The following CDH18 variants were observed in gnomAD, a reference collection of about 807,000 sequenced individuals.
CDH18 encodes the protein cadherin 18, also known as cadherin-18.
CDH18 carries 31 observed loss-of-function variants against 67.9 expected under a neutral mutation model. The observed-to-expected ratio is 0.46, with a 90% confidence interval of 0.34 to 0.62. CDH18 has a LOEUF of 0.62. CDH18 is among the 20% of genes least tolerant of loss of function. The pLI is 0.01. For missense variants in CDH18, 890 were observed against 975.5 expected (o/e 0.91, Z 1.17); for synonymous variants, 362 against 347.2 (o/e 1.04, Z -0.48).
In CDH18 at chr5:20,334,163, C is replaced by T. The variant is rs1257335885; in HGVS notation, c.-579-78658G>A. Among the ~76,000 whole-genome samples the T allele has an allele frequency of 1.4e-4, 16 of 113,462 alleles. No individual in the cohort carries two copies. In the Admixed American group the frequency reaches 1.5e-3, roughly 11 times the overall value. The allele number at this position is 113,462 out of a possible 152,430, so 74.4% of individuals were successfully genotyped here. ...TTTTTTTTTTTTTTTGAGACGGAGT[C>T]TCGCTGTCGCCCAGGCTGGAGTGCA... On this transcript the variant is annotated intron_variant, in intron 1 of 14. Transcript: ENST00000507958.
chr5:19,724,687 C>G (rs984760320), intron 4 of CDH18, among the ~76,000 whole-genome samples: 2 of 151,978 alleles, frequency 1.3e-5, no homozygotes, highest in Non-Finnish European at 2.9e-5. Flanking sequence ...CCATTACATG[C>G]AAATCTACAA....
At chr5:20,106,347 C>T (rs1018860167) in intron 2 of CDH18, among the ~76,000 whole-genome samples, 8 of 152,262 alleles carry the variant, frequency 5.3e-5, no homozygotes, top group Middle Eastern at 3.4e-3. Flanking sequence ...GTTTTCTTAA[C>T]GCTGTTTACA....
rs114405601 is a variant in CDH18 at position 19,589,289 on chromosome 5, C to T, written c.999+1768G>A. On this transcript the variant is annotated intron_variant, in intron 7 of 12. Coordinates refer to ENST00000382275, the MANE Select transcript of CDH18 (RefSeq NM_004934.5). ...TGATGACTAGCTACCTCCTGAACAG[C>T]GTCCCTTGGGAATATTCAATGCCAA... is the stretch of plus-strand genomic sequence containing the variant. Among the ~76,000 whole-genome samples, 1,132 of 152,212 alleles carry T rather than the reference C, an allele frequency of 7.4e-3. 20 individuals carry two copies. The highest frequency in any genetic ancestry group is 0.026 in the African/African-American group (1,086 of 41,560).
At chr5:20,365,215 T>A (rs1360354313) in intron 1 of CDH18, among the ~76,000 whole-genome samples, 5 of 152,172 alleles carry the variant, frequency 3.3e-5, no homozygotes, top group Admixed American at 2.0e-4. Flanking sequence ...CTGTGTGCTG[T>A]GTGTTCCCAT....
At chr5:19,524,771 A>G (rs1200872113) in intron 9 of CDH18, among the ~76,000 whole-genome samples, 1 of 151,966 alleles carries the variant, frequency 6.6e-6, no homozygotes, top group Non-Finnish European at 1.5e-5. Flanking sequence ...TCTGAGATGG[A>G]GTCTCGCTCT....
chr5:20,193,247 A>G (rs1234025275), intron 2 of CDH18, among the ~76,000 whole-genome samples: 5 of 152,126 alleles, frequency 3.3e-5, no homozygotes, highest in Admixed American at 2.6e-4. Flanking sequence ...AAAATGATAA[A>G]GAGGATATCA....
rs550794179 is a variant in CDH18, at chr5:20,420,362, C to A, written c.-580+155100G>T. ...TTAAGGACTTATTCTTTATAGAATACCAACAATGAAATAAAAACAAAGCAA... is the reference window on the plus strand; with the variant it reads ...TTAAGGACTTATTCTTTATAGAATAACAACAATGAAATAAAAACAAAGCAA... On this transcript the variant is annotated intron_variant, in intron 1 of 14. Transcript: ENST00000507958. 5.3e-5 allele frequency among the ~76,000 whole-genome samples: 8 copies of A among 151,092 alleles called. No individual in the cohort carries two copies. The South Asian group carries it at 1.5e-3, about 27-fold the overall frequency.
intron 9 of CDH18, among the ~76,000 whole-genome samples, chr5:19,532,989 GAT>G (rs1748880556): frequency 6.6e-6 from 1 of 152,166 alleles, no homozygotes; most frequent in Admixed American, 6.5e-5. Context: ...TCCAGGAGGA[GAT>G]ATTAAAGTGG....
At chr5:19,605,054 T>C (rs901076020) in intron 6 of CDH18, among the ~76,000 whole-genome samples, 3 of 151,962 alleles carry the variant, frequency 2.0e-5, no homozygotes, top group African/African-American at 7.2e-5. Flanking sequence ...AATATATGCT[T>C]ATTACCATAA....
intron 2 of CDH18, among the ~76,000 whole-genome samples, chr5:19,945,795 C>T (rs563007681): frequency 5.1e-4 from 78 of 151,966 alleles, no homozygotes; most frequent in African/African-American, 1.8e-3. Flanking sequence ...AATTTAGAAC[C>T]AGTCAAAAAA....
intron 1 of CDH18, among the ~76,000 whole-genome samples, chr5:20,382,710 A>G (rs1744010984): frequency 6.6e-6 from 1 of 152,168 alleles, no homozygotes; most frequent in East Asian, 1.9e-4. Flanking sequence ...CCTGAATATT[A>G]CAAAGAGGAA....
At chr5:19,627,999 A>G (rs1461539344) in intron 5 of CDH18, among the ~76,000 whole-genome samples, 2 of 152,126 alleles carry the variant, frequency 1.3e-5, no homozygotes, top group Admixed American at 1.3e-4. Context: ...CAGAGGAGTG[A>G]TGATATGGTT....
chr5:20,235,995 G>C (rs929684700), intron 2 of CDH18, among the ~76,000 whole-genome samples: 3 of 152,068 alleles, frequency 2.0e-5, no homozygotes, highest in African/African-American at 7.2e-5. Flanking sequence ...AACTAACACA[G>C]AAACATGTTC....
intron 12 of CDH18, among the ~76,000 whole-genome samples, chr5:19,480,586 C>T (rs1739260236): frequency 6.6e-6 from 1 of 151,908 alleles, no homozygotes; most frequent in African/African-American, 2.4e-5. Flanking sequence ...ACCGTGTTAG[C>T]CAGGATGGTC....
rs560057743 is a variant in CDH18, at chr5:19,945,966, T to C, written c.-257+35094A>G. On this transcript the variant is annotated intron_variant, in intron 2 of 12. Transcript: ENST00000382275. ...TGAAAAATTACTCAAAGAAATAATT[T>C]GCTGCACGCTCCACCAAATATGTAA... Among the ~76,000 whole-genome samples, 25 of 152,214 alleles carry C rather than the reference T, an allele frequency of 1.6e-4. No individual in the cohort carries two copies. In the East Asian group the frequency reaches 4.8e-3, roughly 29 times the overall value.
intron 2 of CDH18, among the ~76,000 whole-genome samples, chr5:20,213,175 T>G (rs1740488400): frequency 6.6e-6 from 1 of 152,152 alleles, no homozygotes; most frequent in South Asian, 2.1e-4. Context: ...TAACTTACTT[T>G]AAATATTGTT....
chr5:19,558,408 A>T (rs570896407), intron 8 of CDH18, among the ~76,000 whole-genome samples: 13 of 152,250 alleles, frequency 8.5e-5, no homozygotes, highest in African/African-American at 3.1e-4. Context: ...AGTGAGATTA[A>T]CTAAAAAGAG....
chr5:20,160,490 C>A (rs1751891998), intron 2 of CDH18, among the ~76,000 whole-genome samples: 1 of 152,180 alleles, frequency 6.6e-6, no homozygotes, highest in Non-Finnish European at 1.5e-5. Context: ...ATAAATTTAT[C>A]ATGTGTTTTC....
chr5:19,818,512 A>T (rs916701322), intron 3 of CDH18, among the ~76,000 whole-genome samples: 4 of 152,226 alleles, frequency 2.6e-5, no homozygotes, highest in African/African-American at 9.6e-5. Flanking sequence ...ATAGTGACTA[A>T]TTATTATATA....
Sources: allele counts gnomAD v4.1 joint callset (sites outside exome capture counted in the v4.1 genomes callset), GRCh38; gene constraint gnomAD v4.1.1; transcripts MANE v1.5; gene names NCBI Gene and HGNC (gene_info 2026-07-23, HGNC 2026-07-21).